Variants in LRRC1 observed in about 807,000 individuals in gnomAD.
LRRC1 encodes leucine-rich repeat-containing protein 1.
A neutral mutation model predicts 69.9 loss-of-function variants in LRRC1; 28 were observed. That is an observed-to-expected ratio of 0.40 (90% confidence interval 0.30 to 0.55). LRRC1 has a LOEUF of 0.55. LRRC1 is among the 20% of genes least tolerant of loss of function. The pLI is 0.47. For missense variants in LRRC1, 498 were observed against 609.0 expected, an observed-to-expected ratio of 0.82 and a Z score of 1.92; for synonymous variants, 236 against 240.2, an observed-to-expected ratio of 0.98 and a Z score of 0.16.
intron 13 of LRRC1, among the ~76,000 whole-genome samples, chr6:53,920,988 GAC>G (rs960387766): frequency 4.6e-5 from 7 of 150,988 alleles, no homozygotes; most frequent in African/African-American, 1.7e-4. Flanking sequence ...TCTTTTTTGA[GAC>G]AGAGTCTCCC....
chr6:53,908,888 C>G (rs913000077), intron 10 of LRRC1, among the ~76,000 whole-genome samples: 4 of 152,160 alleles, frequency 2.6e-5, no homozygotes, highest in Non-Finnish European at 5.9e-5. Context: ...GAAACAATTT[C>G]AGCCTCATCA....
chr6:53,898,306 G>A (rs754764756), intron 7 of LRRC1, among the ~76,000 whole-genome samples: 15 of 152,160 alleles, frequency 9.9e-5, no homozygotes, highest in Admixed American at 2.0e-4. Flanking sequence ...GGTAGAGTTC[G>A]ATTCGTACTT....
intron 1 of LRRC1, 109 bp from the exon 2 acceptor site, chr6:53,842,001 C>T (rs1765803980): frequency 1.5e-6 from 1 of 661,262 alleles, no homozygotes; most frequent in East Asian, 2.7e-5. Flanking sequence ...ATTGATGTTG[C>T]TACAACCTTC....
In LRRC1 at chr6:53,815,042, C is replaced by G. The variant is rs572897611; in HGVS notation, c.159+19627C>G. Among the ~76,000 whole-genome samples, 3 of 146,078 alleles carry G rather than the reference C, an allele frequency of 2.1e-5. No homozygotes were observed. The South Asian group carries it at 6.5e-4, about 32-fold the overall frequency. On this transcript the variant is annotated intron_variant, in intron 1 of 13. Transcript: ENST00000370888. ...GCGGGGAGCACAACAGTCGTTTGGA[C>G]TGATTCTTTATGAGAAGCACCTGGG...
chr6:53,801,093 T>C (rs547568596), intron 1 of LRRC1, among the ~76,000 whole-genome samples: 2 of 152,274 alleles, frequency 1.3e-5, no homozygotes, highest in South Asian at 4.1e-4. Flanking sequence ...ATTACAGAAA[T>C]GATTTGTTGG....
chr6:53,842,074 T>G (rs1324922859), intron 1 of LRRC1, 36 bp from the exon 2 acceptor site: 16 of 1,308,040 alleles, frequency 1.2e-5, no homozygotes, highest in Non-Finnish European at 1.7e-5. Context: ...GATACAAACA[T>G]ATGTGAAATC....
chr6:53,851,678 A>G (rs890251238), intron 2 of LRRC1, among the ~76,000 whole-genome samples: 7 of 152,072 alleles, frequency 4.6e-5, no homozygotes, highest in Admixed American at 2.0e-4. Flanking sequence ...AAAAGTAACC[A>G]TCACACCTAG....
chr6:53,852,289 G>C (rs1013524157), intron 2 of LRRC1, among the ~76,000 whole-genome samples: 2 of 152,212 alleles, frequency 1.3e-5, no homozygotes, highest in African/African-American at 4.8e-5. Context: ...TATAGATGCT[G>C]TAATTCTATC....
chr6:53,884,257 C>T lies in LRRC1; in HGVS notation c.446+1281C>T. 3 of 430,434 alleles carry T rather than the reference C, an allele frequency of 7.0e-6. 1 individual carries two copies. Among genetic ancestry groups the T allele is most frequent in the Non-Finnish European group, 1.2e-5 (3 of 240,948 alleles). The allele number at this position is 430,434 out of a possible 1,614,324, so 26.7% of individuals were successfully genotyped here. The stretch of plus-strand genomic sequence containing the variant: ...TGGTGGCTCACACCTGTAATGCCAG[C>T]CTTTTGGGAGGCTGAGGTGGGAGGA... On this transcript the variant is annotated intron_variant, in intron 4 of 13. Coordinates refer to ENST00000370888, the MANE Select transcript of LRRC1 (RefSeq NM_018214.5).
intron 10 of LRRC1, among the ~76,000 whole-genome samples, chr6:53,905,739 G>A (rs1251150671): frequency 6.6e-6 from 1 of 152,010 alleles, no homozygotes; most frequent in African/African-American, 2.4e-5. Flanking sequence ...CTTCTCCCTG[G>A]GTAAGGTGGC....
intron 8 of LRRC1, among the ~76,000 whole-genome samples, 174 bp from the exon 9 acceptor site, chr6:53,902,455 C>T (rs1768090747): frequency 1.3e-5 from 2 of 152,146 alleles, no homozygotes; most frequent in African/African-American, 4.8e-5. Flanking sequence ...ATTATTTTAA[C>T]TCCCAACCTT....
At chr6:53,836,300 G>GT (rs1160436525) in intron 1 of LRRC1, among the ~76,000 whole-genome samples, 1 of 152,208 alleles carries the variant, frequency 6.6e-6, no homozygotes, top group Non-Finnish European at 1.5e-5. Flanking sequence ...AATCCATGTA[G>GT]TTTTGAGCCA....
chr6:53,830,648 T>C (rs1254093709), intron 1 of LRRC1, among the ~76,000 whole-genome samples: 1 of 152,088 alleles, frequency 6.6e-6, no homozygotes, highest in African/African-American at 2.4e-5. Flanking sequence ...GAATGTAGTA[T>C]GTGTGAGAAG....
intron 1 of LRRC1, among the ~76,000 whole-genome samples, chr6:53,834,340 T>G (rs116102646): frequency 6.6e-6 from 1 of 152,336 alleles, no homozygotes; most frequent in Non-Finnish European, 1.5e-5. Context: ...TTCATTAGCA[T>G]GCTCTTTTCT....
intron 11 of LRRC1, among the ~76,000 whole-genome samples, chr6:53,916,383 T>C (rs1768565631): frequency 6.6e-6 from 1 of 152,216 alleles, no homozygotes; most frequent in African/African-American, 2.4e-5. Context: ...AACAACAGCA[T>C]ACTGTTGTGG....
At chr6:53,844,772 C>T (rs573370027) in intron 2 of LRRC1, among the ~76,000 whole-genome samples, 2 of 152,258 alleles carry the variant, frequency 1.3e-5, no homozygotes, top group African/African-American at 2.4e-5. Context: ...TTAGAAATGC[C>T]GAGAGGGAGT....
Position 53,862,297 on chromosome 6 carries a change from G to A in LRRC1, c.278-16696G>A, listed in dbSNP as rs946379406. 2.6e-4 allele frequency among the ~76,000 whole-genome samples: 26 copies of A among 98,854 alleles called. No individual in the cohort carries two copies. The Admixed American group carries it at 3.6e-3, about 14-fold the overall frequency. 64.9% of individuals were successfully genotyped at this position (98,854 alleles called of 152,430 possible). Reference sequence around the variant, plus strand: ...CCATTAACCTGAATCGTGTGTGTGTGTGTGTGTGTGTGTGTGTGTGTGTGT... The same window carrying A: ...CCATTAACCTGAATCGTGTGTGTGTATGTGTGTGTGTGTGTGTGTGTGTGT... On this transcript the variant is annotated intron_variant, in intron 2 of 13. Coordinates refer to ENST00000370888, the MANE Select transcript of LRRC1 (RefSeq NM_018214.5).
At chr6:53,846,068 T>G (rs1283030564) in intron 2 of LRRC1, among the ~76,000 whole-genome samples, 1 of 152,220 alleles carries the variant, frequency 6.6e-6, no homozygotes, top group Non-Finnish European at 1.5e-5. Context: ...GGATGTTTCC[T>G]TGCTCAAGTG....
intron 7 of LRRC1, among the ~76,000 whole-genome samples, 195 bp downstream of exon 7, chr6:53,897,554 C>T (rs543549875): frequency 1.3e-5 from 2 of 152,272 alleles, no homozygotes; most frequent in Admixed American, 6.5e-5. Flanking sequence ...AAAACCTCAA[C>T]CCACCATTTG....
Sources: gnomAD v4.1 joint callset for allele counts (sites outside exome capture counted in the v4.1 genomes callset) on GRCh38, gnomAD v4.1.1 for gene constraint, MANE v1.5 for transcripts, NCBI Gene and HGNC (gene_info 2026-07-23, HGNC 2026-07-21) for gene names.